HLF: variants seen among roughly 807,000 people sequenced by gnomAD.
HLF encodes hepatic leukemia factor.
In HLF, 3 loss-of-function variants were observed where a neutral mutation model predicts 22.6. That is an observed-to-expected ratio of 0.13 (90% CI 0.06 to 0.34). HLF has a LOEUF of 0.34. Ranked by LOEUF, HLF falls within the 10% of genes least tolerant of loss-of-function variation. The pLI, the probability that HLF is intolerant of heterozygous loss-of-function variation, is 1.00. For synonymous variants in HLF, 151 were observed against 151.8 expected, an observed-to-expected ratio of 0.99 and a Z score of 0.04; for missense variants, 299 against 389.2, an observed-to-expected ratio of 0.77 and a Z score of 1.95.
At chr17:55,286,329 C>T (rs1024764652) in intron 2 of HLF, among the ~76,000 whole-genome samples, 4 of 152,146 alleles carry the variant, frequency 2.6e-5, no homozygotes, top group Non-Finnish European at 5.9e-5. Context: ...TAGTACCCCC[C>T]TTTCTCCACC....
intron 1 of HLF, among the ~76,000 whole-genome samples, chr17:55,267,204 T>C (rs559598394): frequency 1.3e-5 from 2 of 152,280 alleles, no homozygotes; most frequent in African/African-American, 2.4e-5. Context: ...TTTGAGATAA[T>C]ATATGGAAAG....
chr17:55,300,129 G>C (rs2081144399), intron 2 of HLF, among the ~76,000 whole-genome samples: 1 of 152,168 alleles, frequency 6.6e-6, no homozygotes, highest in African/African-American at 2.4e-5. Flanking sequence ...GTGAGTGCTT[G>C]GCCTTCCTCA....
chr17:55,288,348 A>G (rs2081025349), intron 2 of HLF, among the ~76,000 whole-genome samples: 1 of 152,028 alleles, frequency 6.6e-6, no homozygotes, highest in Non-Finnish European at 1.5e-5. Flanking sequence ...GAGTTTCACC[A>G]TGGTGGCCAG....
At chr17:55,277,068 G>C (rs908342769) in intron 2 of HLF, among the ~76,000 whole-genome samples, 1 of 152,180 alleles carries the variant, frequency 6.6e-6, no homozygotes, top group African/African-American at 2.4e-5. Flanking sequence ...GAAATAGTTT[G>C]AGGGATTTGA....
rs575484480 is a variant in HLF at position 55,279,572 on chromosome 17, T to TTA, written c.451+11498_451+11499dup. Among the ~76,000 whole-genome samples the TTA allele has an allele frequency of 4.5e-3, 676 of 151,758 alleles. 9 individuals carry two copies. The highest frequency in any genetic ancestry group is 0.015 in the African/African-American group (612 of 41,434). On this transcript the variant is annotated intron_variant, in intron 2 of 3. Coordinates refer to ENST00000226067, the MANE Select transcript of HLF (RefSeq NM_002126.5). ...AACCGAGTGAGACCCCATCTCTACA[T>TTA]TATATATATATATTTTTAATTTAAA...
chr17:55,318,553 T>C (rs1344122614), intron 3 of HLF, among the ~76,000 whole-genome samples: 1 of 152,166 alleles, frequency 6.6e-6, no homozygotes, highest in Non-Finnish European at 1.5e-5. Flanking sequence ...ACATCAAGCC[T>C]GTGGCCTATG....
chr17:55,300,780 C>T (rs900730471), intron 2 of HLF, among the ~76,000 whole-genome samples: 1 of 152,186 alleles, frequency 6.6e-6, no homozygotes, highest in Non-Finnish European at 1.5e-5. Context: ...GTAAGCCAAG[C>T]TCTGCCTGGT....
intron 2 of HLF, among the ~76,000 whole-genome samples, chr17:55,270,884 C>T (rs1461198010): frequency 7.2e-5 from 11 of 152,020 alleles, no homozygotes; most frequent in South Asian, 2.1e-4. Flanking sequence ...CCTCGTGATC[C>T]GCCCGCCTCG....
chr17:55,282,824 T>C (rs2080966009), intron 2 of HLF, among the ~76,000 whole-genome samples: 1 of 152,150 alleles, frequency 6.6e-6, no homozygotes, highest in Non-Finnish European at 1.5e-5. Flanking sequence ...CCAAGCCAAG[T>C]AGTAGATGGA....
intron 3 of HLF, chr17:55,319,199 T>C: frequency 6.6e-6 from 1 of 152,340 alleles, no homozygotes. Flanking sequence ...TATCCCACAC[T>C]TTCTGTATTT....
intron 1 of HLF, 88 bp from the exon 2 acceptor site, chr17:55,267,663 T>C: frequency 1.1e-6 from 1 of 918,676 alleles, no homozygotes; most frequent in Non-Finnish European, 1.6e-6. Context: ...GAAATAGTCT[T>C]ATAACAGGCC....
chr17:55,289,040 A>AT, intron 2 of HLF: 1 of 589,604 alleles, frequency 1.7e-6, no homozygotes, highest in Non-Finnish European at 2.1e-6. Context: ...ATGGATATAA[A>AT]TTTTTTTAAA....
At chr17:55,294,663 C>T (rs2081095604) in intron 2 of HLF, among the ~76,000 whole-genome samples, 1 of 152,174 alleles carries the variant, frequency 6.6e-6, no homozygotes, top group Non-Finnish European at 1.5e-5. Flanking sequence ...GACCAGATGT[C>T]AGGCCGCCTT....
At chr17:55,312,718 G>A (rs922050973) in intron 2 of HLF, among the ~76,000 whole-genome samples, 7 of 152,164 alleles carry the variant, frequency 4.6e-5, no homozygotes, top group African/African-American at 1.2e-4. Context: ...TGGGGGAAGA[G>A]GAGAATAGCA....
At chr17:55,265,862 G>A (rs2145286245) in intron 1 of HLF, 2 of 1,239,056 alleles carry the variant, frequency 1.6e-6, no homozygotes, top group East Asian at 7.6e-5. Context: ...CTCCTGCGGC[G>A]CGGGTGGGAG....
chr17:55,292,028 G>T (rs1322382736), intron 2 of HLF, among the ~76,000 whole-genome samples: 1 of 152,222 alleles, frequency 6.6e-6, no homozygotes, highest in Non-Finnish European at 1.5e-5. Context: ...TTGAATGGAT[G>T]AGGAATTGTT....
chr17:55,320,644 C>G lies in HLF; in HGVS notation c.673-20C>G, dbSNP rs1905231937. 6.2e-7 allele frequency: 1 copy of G among 1,609,180 alleles called. No homozygotes were observed. Among genetic ancestry groups the G allele is most frequent in the African/African-American group, 1.3e-5 (1 of 74,764 alleles). On this transcript the variant is annotated intron_variant, in intron 3 of 3. Transcript: ENST00000226067. This position sits in a 1 kb window ranked among gnomAD's most constrained non-coding sequence, Gnocchi z 4.2. ...AATCTAATATCTTGTTTCTTTTTCC[C>G]TTCTGTAACTAATGAGCAGGATGAC...
At chr17:55,277,241 A>ATGTGTGTGTGTGTG (rs60023059) in intron 2 of HLF, among the ~76,000 whole-genome samples, 1 of 101,754 alleles carries the variant, frequency 9.8e-6, no homozygotes, top group South Asian at 3.5e-4. Context: ...TGTTATGTGT[A>ATGTGTGTGTGTGTG]TGTGTGTGTG....
At chr17:55,270,291 T>C (rs1344374960) in intron 2 of HLF, among the ~76,000 whole-genome samples, 2 of 152,152 alleles carry the variant, frequency 1.3e-5, no homozygotes, top group Admixed American at 6.5e-5. Context: ...CTTCTTGGAG[T>C]TGAAAACTCG....
Sources: gnomAD v4.1 joint callset for allele counts (sites outside exome capture counted in the v4.1 genomes callset) on GRCh38, gnomAD v4.1.1 for gene constraint, Gnocchi (gnomAD v3.1) non-coding constraint, MANE v1.5 for transcripts, NCBI Gene and HGNC (gene_info 2026-07-23, HGNC 2026-07-21) for gene names.